The following GSK3B variants were observed in gnomAD, a reference collection of about 807,000 sequenced individuals.
The protein encoded by GSK3B is glycogen synthase kinase-3 beta.
A neutral mutation model predicts 56.4 loss-of-function variants in GSK3B; 15 were observed. That is an observed-to-expected ratio of 0.27 (90% CI 0.18 to 0.41). GSK3B has a LOEUF of 0.41. Ranked by LOEUF, GSK3B falls within the 10% of genes least tolerant of loss-of-function variation. The probability of loss-of-function intolerance (pLI) is 1.00; values close to 1 mark genes in which losing one functional copy is unlikely to be tolerated. For missense variants in GSK3B, 300 were observed against 513.4 expected, an observed-to-expected ratio of 0.58 and a Z score of 4.02; for synonymous variants, 181 against 188.9, an observed-to-expected ratio of 0.96 and a Z score of 0.34.
Position 120,003,136 on chromosome 3 carries a change from C to G in GSK3B, c.89-897G>C, listed in dbSNP as rs530053334. On this transcript the variant is annotated intron_variant, in intron 1 of 10. Transcript: ENST00000264235. Reference sequence around the variant, plus strand: ...ATATAAAAATTTAAATAATCCAACCCATTCTGAACTGAGGCCCAATTATAT... The same window carrying G: ...ATATAAAAATTTAAATAATCCAACCGATTCTGAACTGAGGCCCAATTATAT... 1.1e-4 allele frequency among the ~76,000 whole-genome samples: 16 copies of G among 152,234 alleles called. No homozygotes were observed. In the East Asian group the frequency reaches 2.9e-3, roughly 28 times the overall value.
chr3:119,846,090 A>G (rs2055851492), intron 9 of GSK3B, among the ~76,000 whole-genome samples: 1 of 152,236 alleles, frequency 6.6e-6, no homozygotes, highest in Non-Finnish European at 1.5e-5. Flanking sequence ...AAAACTAGCT[A>G]GGCATATGCA....
At chr3:119,995,871 G>A (rs1457559296) in intron 2 of GSK3B, among the ~76,000 whole-genome samples, 1 of 151,786 alleles carries the variant, frequency 6.6e-6, no homozygotes, top group Non-Finnish European at 1.5e-5. Flanking sequence ...CCAAATAGCT[G>A]GGACTACAGG....
chr3:120,000,919 T>G (rs1285256636), intron 2 of GSK3B, among the ~76,000 whole-genome samples: 1 of 85,238 alleles, frequency 1.2e-5, no homozygotes, highest in Non-Finnish European at 2.3e-5. Context: ...TGTAATCTCC[T>G]TTTTTTTTTT....
chr3:120,077,986 C>T (rs1436742266), intron 1 of GSK3B, among the ~76,000 whole-genome samples: 1 of 152,020 alleles, frequency 6.6e-6, no homozygotes, highest in Non-Finnish European at 1.5e-5. Flanking sequence ...AATATTGTCA[C>T]AGAGCATTAT....
chr3:120,006,683 T>A (rs1401552540), intron 1 of GSK3B, among the ~76,000 whole-genome samples: 2 of 151,932 alleles, frequency 1.3e-5, no homozygotes, highest in African/African-American at 4.8e-5. Flanking sequence ...ATAACGAAAT[T>A]AAGACAGAAA....
In GSK3B at chr3:120,051,127, C is replaced by T. The variant is rs865940704; in HGVS notation, c.88+42220G>A. Reference sequence around the variant, plus strand: ...CACTCCAGATGCTGTCTATCAATTTCTTTTTTTTTTTTTTTAATGATGGAG... The same window carrying T: ...CACTCCAGATGCTGTCTATCAATTTTTTTTTTTTTTTTTTTAATGATGGAG... On this transcript the variant is annotated intron_variant, in intron 1 of 10. Transcript: ENST00000264235. Among the ~76,000 whole-genome samples, 739 of 138,722 alleles carry T rather than the reference C, an allele frequency of 5.3e-3. 9 individuals are homozygous for T. Among genetic ancestry groups the T allele is most frequent in the African/African-American group, 0.019 (713 of 37,712 alleles). 91.0% of individuals were successfully genotyped at this position (138,722 alleles called of 152,430 possible). A position where few individuals can be genotyped will look rare whatever the true frequency, so the allele number is the denominator to read the frequency against.
At chr3:120,046,847 G>C (rs1006705825) in intron 1 of GSK3B, among the ~76,000 whole-genome samples, 1 of 152,170 alleles carries the variant, frequency 6.6e-6, no homozygotes, top group South Asian at 2.1e-4. Context: ...CTAACCTCAA[G>C]TGATCTGCCC....
chr3:119,827,253 T>C (rs2055525673), intron 10 of GSK3B, among the ~76,000 whole-genome samples: 1 of 152,138 alleles, frequency 6.6e-6, no homozygotes, highest in Admixed American at 6.5e-5. Context: ...TGCCATCTGC[T>C]TAAGTAAGTA....
intron 1 of GSK3B, among the ~76,000 whole-genome samples, chr3:120,047,196 A>C (rs1327064035): frequency 6.6e-6 from 1 of 152,236 alleles, no homozygotes; most frequent in Admixed American, 6.5e-5. Flanking sequence ...TAAGTAAATT[A>C]ATGATAAGTA....
At chr3:119,879,030 G>T (rs1424148367) in intron 7 of GSK3B, among the ~76,000 whole-genome samples, 1 of 152,236 alleles carries the variant, frequency 6.6e-6, no homozygotes, top group Admixed American at 6.5e-5. Context: ...TTAAATATGT[G>T]CAGTTTTAAA....
chr3:119,954,868 T>C (rs940002923), intron 2 of GSK3B, among the ~76,000 whole-genome samples: 3 of 152,182 alleles, frequency 2.0e-5, no homozygotes, highest in African/African-American at 4.8e-5. Context: ...TTTTGTACCA[T>C]TACATAAAGT....
At chr3:119,922,033 A>G (rs2056844350) in intron 4 of GSK3B, among the ~76,000 whole-genome samples, 1 of 152,012 alleles carries the variant, frequency 6.6e-6, no homozygotes, top group Non-Finnish European at 1.5e-5. Context: ...GCTACTTGGG[A>G]GGCTGAGGCA....
chr3:119,850,675 T>C (rs1043986361), intron 9 of GSK3B, among the ~76,000 whole-genome samples: 1 of 152,078 alleles, frequency 6.6e-6, no homozygotes, highest in African/African-American at 2.4e-5. Context: ...AGGGTGAATA[T>C]AAACTGCAGT....
intron 1 of GSK3B, among the ~76,000 whole-genome samples, chr3:120,058,323 CTTA>C (rs546400488): frequency 6.6e-6 from 1 of 151,934 alleles, no homozygotes; most frequent in Non-Finnish European, 1.5e-5. Flanking sequence ...CAATGTAAAA[CTTA>C]TTAATGAATT....
Position 119,863,560 on chromosome 3 carries a change from G to A in GSK3B, c.955C>T (p.Arg319Cys), listed in dbSNP as rs199730714. Reference protein sequence around the residue: ...TPPEAIALCSRLLEYTPTARL... With the variant: ...TPPEAIALCSCLLEYTPTARL... ...GCAGTTGGTGTATACTCCAGCAGAC[G>A]GCTACACAGTGCAATTGCCTCCGGT... Residue 319 changes from arginine (R) to cysteine (C), a missense_variant, in exon 9 of 11, where the codon CGT becomes TGT. By Grantham distance (180) the Arg-to-Cys change is radical. Transcript: ENST00000264235. 4.8e-5 allele frequency: 78 copies of A among 1,613,330 alleles called. No individual in the cohort carries two copies. Among genetic ancestry groups the A allele is most frequent in the Admixed American group, 1.8e-4 (11 of 59,988 alleles).
chr3:119,972,450 T>G (rs896627217), intron 2 of GSK3B, among the ~76,000 whole-genome samples: 11 of 152,142 alleles, frequency 7.2e-5, no homozygotes, highest in South Asian at 2.1e-4. Flanking sequence ...TTGTTTGTTT[T>G]TTTGAGACGG....
At chr3:119,932,151 T>C (rs1213379736) in intron 3 of GSK3B, among the ~76,000 whole-genome samples, 2 of 152,194 alleles carry the variant, frequency 1.3e-5, no homozygotes, top group Admixed American at 1.3e-4. Flanking sequence ...AATCATGATA[T>C]AATTTTAAAA....
At chr3:119,856,613 T>G (rs2056026505) in intron 9 of GSK3B, among the ~76,000 whole-genome samples, 1 of 152,178 alleles carries the variant, frequency 6.6e-6, no homozygotes, top group Admixed American at 6.5e-5. Flanking sequence ...TTTAGTCCAC[T>G]CATAAATTTT....
chr3:119,843,309 G>A lies in GSK3B; in HGVS notation c.1141C>T (p.His381Tyr), dbSNP rs772550262. The A allele has an allele frequency of 1.5e-5, 24 of 1,611,342 alleles. No homozygotes were observed. Among genetic ancestry groups the A allele is most frequent in the Non-Finnish European group, 1.7e-5 (20 of 1,178,074 alleles). ...PPLATILIPP[H>Y]ARIQAAASTP... is the part of the protein sequence containing the mutation. ...GAAGCAGCTGCTTGAATCCGAGCAT[G>A]AGGAGGAATAAGGATGGTAGCCAGA... is the stretch of plus-strand genomic sequence containing the variant. The change falls in exon 10 of 11, where the codon CAT (histidine) becomes TAT (tyrosine). Residue 381 changes from histidine (H) to tyrosine (Y), a missense_variant. His to Tyr is a moderately conservative substitution (Grantham distance 83). Transcript: ENST00000264235.
Sources: gnomAD v4.1 joint callset for allele counts (sites outside exome capture counted in the v4.1 genomes callset) on GRCh38, gnomAD v4.1.1 for gene constraint, MANE v1.5 for transcripts, NCBI Gene and HGNC (gene_info 2026-07-23, HGNC 2026-07-21) for gene names.